WDR36: variants seen among roughly 807,000 people sequenced by gnomAD.
WDR36 encodes the protein WD repeat domain 36.
A neutral mutation model predicts 112.7 loss-of-function variants in WDR36; 63 were observed. That is an observed-to-expected ratio of 0.56 (90% CI 0.46 to 0.69). WDR36 has a LOEUF of 0.69. Among genes scored for constraint, WDR36 ranks in the 30% least tolerant of loss-of-function variants. The pLI is 0.00. For missense variants in WDR36, 1,226 were observed against 1,070.3 expected (o/e 1.15, Z -2.03); for synonymous variants, 410 against 362.2 (o/e 1.13, Z -1.50).
At chr5:111,107,113 AC>A (rs145640144) in intron 11 of WDR36, among the ~76,000 whole-genome samples, 180 bp from the exon 12 acceptor site, 26 of 151,574 alleles carry the variant, frequency 1.7e-4, no homozygotes, top group African/African-American at 6.0e-4. Flanking sequence ...ATAAATACAC[AC>A]ATTTTTTATT....
At chr5:111,103,716 A>G in intron 6 of WDR36, 70 bp from the exon 7 acceptor site, 1 of 1,572,308 alleles carries the variant, frequency 6.4e-7, no homozygotes, top group Non-Finnish European at 8.7e-7. Context: ...CCTAATAATG[A>G]TGCGTATCAT....
intron 1 of WDR36, among the ~76,000 whole-genome samples, chr5:111,094,614 T>C (rs149517281): frequency 3.3e-5 from 5 of 152,330 alleles, no homozygotes; most frequent in African/African-American, 1.2e-4. Context: ...ATGGCTGTTT[T>C]CATGCTACGG....
chr5:111,107,529 C>T (rs10043631), intron 12 of WDR36, 90 bp downstream of exon 12: 728,676 of 1,517,830 alleles, frequency 0.48, 180,361 homozygotes, highest in South Asian at 0.68. Context: ...ATAATATTGA[C>T]TGAAAAAACG....
chr5:111,113,171 A>G lies in WDR36; in HGVS notation c.1796+18A>G. ...TCTGGGTGGTAAGTTTATATTTCTA[A>G]TTCCCTAACCTCTATAAGATTTCTA... On this transcript the variant is annotated intron_variant, in intron 16 of 22. Transcript: ENST00000513710. 6.9e-7 allele frequency: 1 copy of G among 1,453,948 alleles called. No individual in the cohort carries two copies. The highest frequency in any genetic ancestry group is 9.6e-7 in the Non-Finnish European group (1 of 1,041,432). The allele number at this position is 1,453,948 out of a possible 1,614,324, so 90.1% of individuals were successfully genotyped here. A position where few individuals can be genotyped will look rare whatever the true frequency, so the allele number is the denominator to read the frequency against.
Position 111,129,228 on chromosome 5 carries a change from T to C in WDR36, c.*2345T>C, listed in dbSNP as rs1753736686. On this transcript the variant is annotated 3_prime_UTR_variant, in exon 23 of 23. Transcript: ENST00000513710. ...AACATCATCCTACATGAGCCCTTTT[T>C]GTACATATAAGGCTCTCTCTGTGGT... The C allele has an allele frequency of 5.1e-6, 1 of 196,578 alleles. No individual in the cohort carries two copies. The highest frequency in any genetic ancestry group is 2.3e-5 in the African/African-American group (1 of 43,340). 12.2% of individuals were successfully genotyped at this position (196,578 alleles called of 1,614,324 possible).
intron 7 of WDR36, 46 bp downstream of exon 7, chr5:111,103,964 T>C (rs1460947675): frequency 8.7e-6 from 14 of 1,604,404 alleles, no homozygotes; most frequent in Non-Finnish European, 1.2e-5. Flanking sequence ...ACACTTAAAA[T>C]TCATTACTTT....
intron 1 of WDR36, among the ~76,000 whole-genome samples, chr5:111,094,346 A>G (rs1580388271): frequency 1.3e-5 from 2 of 152,244 alleles, no homozygotes; most frequent in Middle Eastern, 6.8e-3. Flanking sequence ...CAGGGAGCTT[A>G]TTTTTCCAGG....
chr5:111,128,331 G>A lies in WDR36; in HGVS notation c.*1448G>A, dbSNP rs181871045. The A allele has an allele frequency of 6.0e-4, 110 of 184,596 alleles. No homozygotes were observed. The highest frequency in any genetic ancestry group is 1.1e-3 in the Admixed American group (18 of 16,018). 11.4% of individuals were successfully genotyped at this position (184,596 alleles called of 1,614,324 possible). ...AATATTCATGTTTTTATTTAATGATGTAAGATAGAATTAATAAACTACTAA... is the reference window on the plus strand; with the variant it reads ...AATATTCATGTTTTTATTTAATGATATAAGATAGAATTAATAAACTACTAA... On this transcript the variant is annotated 3_prime_UTR_variant, in exon 23 of 23. Transcript: ENST00000513710.
Position 111,104,466 on chromosome 5 carries a change from G to A in WDR36, c.906+114G>A, listed in dbSNP as rs1580394626. On this transcript the variant is annotated intron_variant, in intron 8 of 22. Coordinates refer to ENST00000513710, the MANE Select transcript of WDR36 (RefSeq NM_139281.3). ...CTAGAAGATGAAAGGAATATGGAAT[G>A]AGATATTGGTATAGATGAAACAAAA... 2.0e-6 allele frequency: 3 copies of A among 1,473,036 alleles called. No individual in the cohort carries two copies. In the South Asian group the frequency reaches 3.4e-5, roughly 17 times the overall value. The allele number at this position is 1,473,036 out of a possible 1,614,324, so 91.2% of individuals were successfully genotyped here. A position where few individuals can be genotyped will look rare whatever the true frequency, so the allele number is the denominator to read the frequency against.
At chr5:111,116,422 A>G (rs1753456032) in intron 16 of WDR36, among the ~76,000 whole-genome samples, 1 of 152,332 alleles carries the variant, frequency 6.6e-6, no homozygotes, top group Non-Finnish European at 1.5e-5. Flanking sequence ...CTTCTTCCTT[A>G]AAGATTTCTG....
chr5:111,115,763 T>G lies in WDR36; in HGVS notation c.1796+2610T>G, dbSNP rs1753442714. ...GGAATTGTGCCTATCTGAAACAAAT[T>G]GCATGGGTATTAAAGTTTCCTGTAA... is the stretch of plus-strand genomic sequence containing the variant. On this transcript the variant is annotated intron_variant, in intron 16 of 22. Coordinates refer to ENST00000513710, the MANE Select transcript of WDR36 (RefSeq NM_139281.3). 2.0e-5 allele frequency among the ~76,000 whole-genome samples: 3 copies of G among 152,268 alleles called. No individual in the cohort carries two copies. In the South Asian group the frequency reaches 6.2e-4, roughly 32 times the overall value.
chr5:111,095,010 T>C (rs1435446308), intron 2 of WDR36, 63 bp downstream of exon 2: 1 of 1,466,052 alleles, frequency 6.8e-7, no homozygotes, highest in Non-Finnish European at 9.4e-7. Flanking sequence ...TTGACATAAA[T>C]GTGAGACTTA....
At chr5:111,113,328 G>A (rs1028260008) in intron 16 of WDR36, among the ~76,000 whole-genome samples, 175 bp downstream of exon 16, 9 of 151,890 alleles carry the variant, frequency 5.9e-5, no homozygotes, top group African/African-American at 2.2e-4. Context: ...CTAAACAGCA[G>A]GTAGTAGTGT....
At chr5:111,106,244 T>C in intron 11 of WDR36, 101 bp downstream of exon 11, 1 of 1,094,726 alleles carries the variant, frequency 9.1e-7, no homozygotes, top group Non-Finnish European at 1.4e-6. Flanking sequence ...TTTACAAATA[T>C]TAATAAGCAT....
In WDR36 at chr5:111,106,146, A is replaced by G. The variant is rs1182054210; in HGVS notation, c.1180+3A>G. Reference sequence around the variant, plus strand: ...ACCCATCACAAAGTTTGCAGCAGGTAAGTAACTTCAAACTGTGTTTTGAGA... The same window carrying G: ...ACCCATCACAAAGTTTGCAGCAGGTGAGTAACTTCAAACTGTGTTTTGAGA... On this transcript the variant is annotated splice_donor_region_variant and intron_variant, in intron 11 of 22. Coordinates refer to ENST00000513710, the MANE Select transcript of WDR36 (RefSeq NM_139281.3). 2 of 1,607,684 alleles carry G rather than the reference A, an allele frequency of 1.2e-6. No homozygotes were observed. The highest frequency in any genetic ancestry group is 4.5e-5 in the East Asian group (2 of 44,716).
At chr5:111,105,196 A>C in intron 9 of WDR36, 99 bp from the exon 10 acceptor site, 1 of 1,290,318 alleles carries the variant, frequency 7.8e-7, no homozygotes, top group Non-Finnish European at 1.1e-6. Context: ...CCCAAACTGT[A>C]ACTTCAAGAT....
intron 5 of WDR36, among the ~76,000 whole-genome samples, chr5:111,101,408 C>T (rs146921802): frequency 3.4e-4 from 51 of 151,906 alleles, no homozygotes; most frequent in Non-Finnish European, 3.1e-4. Flanking sequence ...ATTTTCTATA[C>T]ATGAAGAAGG....
chr5:111,115,545 G>C (rs1471363850), intron 16 of WDR36, among the ~76,000 whole-genome samples: 2 of 151,972 alleles, frequency 1.3e-5, no homozygotes, highest in Non-Finnish European at 2.9e-5. Flanking sequence ...TCTTTGCTCA[G>C]ACTGTGTCTT....
intron 3 of WDR36, among the ~76,000 whole-genome samples, chr5:111,098,374 A>G (rs1368955123): frequency 6.6e-6 from 1 of 152,122 alleles, no homozygotes; most frequent in Non-Finnish European, 1.5e-5. Flanking sequence ...TCTGGAATAT[A>G]CCATCTCGCT....
Sources: allele counts gnomAD v4.1 joint callset (sites outside exome capture counted in the v4.1 genomes callset), GRCh38; gene constraint gnomAD v4.1.1; transcripts MANE v1.5; gene names NCBI Gene and HGNC (gene_info 2026-07-23, HGNC 2026-07-21).